The following CCDC171 variants were observed in gnomAD, a reference collection of about 807,000 sequenced individuals.
CCDC171 encodes coiled-coil domain containing 171.
Under a neutral mutation model 168.2 loss-of-function variants are expected in CCDC171, and 177 were observed. The ratio of observed to expected loss-of-function variants is 1.05; its 90% CI spans 0.93 to 1.19. The LOEUF (loss-of-function observed/expected upper bound fraction) is 1.19, where lower values mean the gene tolerates loss of function less well. Among genes scored for constraint, CCDC171 ranks in the 50% most tolerant of loss-of-function variants. The pLI is 0.00. For missense variants in CCDC171, 1,991 were observed against 1,539.0 expected (o/e 1.29, Z -4.91); for synonymous variants, 687 against 540.8 (o/e 1.27, Z -3.75).
At chr9:15,652,734 C>G (rs2047624887) in intron 7 of CCDC171, among the ~76,000 whole-genome samples, 1 of 152,236 alleles carries the variant, frequency 6.6e-6, no homozygotes, top group African/African-American at 2.4e-5. Flanking sequence ...AGCCACCATG[C>G]TCAGCTGATC....
intron 1 of CCDC171, among the ~76,000 whole-genome samples, chr9:16,052,550 T>G (rs1210905562): frequency 6.6e-6 from 1 of 152,112 alleles, no homozygotes; most frequent in Non-Finnish European, 1.5e-5. Flanking sequence ...TGATCTGCAT[T>G]ATATATATTA....
chr9:15,854,365 T>C (rs985176978), intron 23 of CCDC171, among the ~76,000 whole-genome samples: 1 of 151,748 alleles, frequency 6.6e-6, no homozygotes, highest in African/African-American at 2.4e-5. Flanking sequence ...ATCTAAGTTA[T>C]GTGACTTGTT....
At chr9:15,602,632 CTT>C (rs1050799184) in intron 6 of CCDC171, among the ~76,000 whole-genome samples, 1 of 31,002 alleles carries the variant, frequency 3.2e-5, no homozygotes, top group African/African-American at 9.7e-5. Context: ...TTTCTCATTT[CTT>C]TTTTTTTTTT....
chr9:15,652,411 A>C (rs931536560), intron 7 of CCDC171, among the ~76,000 whole-genome samples: 1 of 150,098 alleles, frequency 6.7e-6, no homozygotes, highest in Non-Finnish European at 1.5e-5. Context: ...CTATATGTGT[A>C]TCCTTTTGCT....
At chr9:15,553,971 C>T (rs1314345531) in intron 1 of CCDC171, among the ~76,000 whole-genome samples, 1 of 151,170 alleles carries the variant, frequency 6.6e-6, no homozygotes. Context: ...CATGACATAC[C>T]GATGTTTTAT....
chr9:15,843,344 TA>T (rs1288225832), intron 21 of CCDC171, among the ~76,000 whole-genome samples: 1 of 152,100 alleles, frequency 6.6e-6, no homozygotes, highest in Non-Finnish European at 1.5e-5. Flanking sequence ...GTAGGTAGAA[TA>T]TTTTTTTCTG....
At chr9:15,826,326 C>CTTTTTTTT (rs34040261) in intron 21 of CCDC171, among the ~76,000 whole-genome samples, 1 of 150,490 alleles carries the variant, frequency 6.6e-6, no homozygotes. Context: ...TTTGTTGATC[C>CTTTTTTTT]TTTTTTTTTA....
intron 3 of CCDC171, among the ~76,000 whole-genome samples, chr9:15,992,978 A>G (rs540883988): frequency 3.3e-5 from 5 of 152,230 alleles, no homozygotes; most frequent in Non-Finnish European, 7.3e-5. Flanking sequence ...TTCCATGCTC[A>G]TGGATAGGAA....
chr9:15,630,174 A>C (rs1190441918), intron 7 of CCDC171, among the ~76,000 whole-genome samples: 2 of 152,292 alleles, frequency 1.3e-5, no homozygotes, highest in South Asian at 2.1e-4. Flanking sequence ...TTCACACATA[A>C]CAATATTAAC....
intron 6 of CCDC171, among the ~76,000 whole-genome samples, chr9:15,600,147 A>G (rs1394025922): frequency 1.3e-5 from 2 of 152,198 alleles, no homozygotes; most frequent in South Asian, 2.1e-4. Flanking sequence ...CTCGTCAGTC[A>G]TTCTCCATCC....
intron 3 of CCDC171, among the ~76,000 whole-genome samples, chr9:15,982,517 G>C (rs1211015610): frequency 6.6e-6 from 1 of 152,082 alleles, no homozygotes; most frequent in East Asian, 1.9e-4. Context: ...CCAAATTACT[G>C]GAAGGAAAGA....
At chr9:15,647,109 G>A (rs1186428200) in intron 7 of CCDC171, among the ~76,000 whole-genome samples, 1 of 152,086 alleles carries the variant, frequency 6.6e-6, no homozygotes, top group Non-Finnish European at 1.5e-5. Context: ...ACTCAAAACC[G>A]CTCAACTACA....
At chr9:15,842,197 A>G (rs1325765563) in intron 21 of CCDC171, among the ~76,000 whole-genome samples, 1 of 151,994 alleles carries the variant, frequency 6.6e-6, no homozygotes, top group African/African-American at 2.4e-5. Flanking sequence ...GTGTGTAGGA[A>G]TGTAGATCCA....
intron 2 of CCDC171, among the ~76,000 whole-genome samples, chr9:15,568,353 C>T (rs1234410834): frequency 6.6e-6 from 1 of 150,432 alleles, no homozygotes; most frequent in Non-Finnish European, 1.5e-5. Flanking sequence ...TCGCTGCAAG[C>T]TCCGCCTCCC....
At position 15,698,248 on chromosome 9, in the gene CCDC171, G is replaced by A. The variant is rs192869635; in HGVS notation, c.1318+2911G>A. Among the ~76,000 whole-genome samples, 23 of 152,222 alleles carry A rather than the reference G, an allele frequency of 1.5e-4. No homozygotes were observed. The East Asian group carries it at 1.7e-3, about 12-fold the overall frequency. ...GTGAGTAAGAACATAAGGGCCAGGCGCGGTGGCTCACGCCTGTAATCCCAG... is the reference window on the plus strand; with the variant it reads ...GTGAGTAAGAACATAAGGGCCAGGCACGGTGGCTCACGCCTGTAATCCCAG... On this transcript the variant is annotated intron_variant, in intron 11 of 25. Transcript: ENST00000380701.
At chr9:15,942,570 C>T (rs1827851468) in intron 25 of CCDC171, among the ~76,000 whole-genome samples, 1 of 151,684 alleles carries the variant, frequency 6.6e-6, no homozygotes, top group African/African-American at 2.4e-5. Flanking sequence ...TACTGGAGTA[C>T]AATAAATAAG....
At chr9:15,804,085 C>G (rs572677141) in intron 21 of CCDC171, among the ~76,000 whole-genome samples, 3 of 152,176 alleles carry the variant, frequency 2.0e-5, no homozygotes, top group South Asian at 2.1e-4. Context: ...GATTTTGTAT[C>G]CTGAGACTTT....
intron 24 of CCDC171, among the ~76,000 whole-genome samples, chr9:15,880,826 G>T (rs1818548669): frequency 6.6e-6 from 1 of 151,942 alleles, no homozygotes; most frequent in African/African-American, 2.4e-5. Flanking sequence ...TTTTTTAATT[G>T]GGTTGTGGAA....
intron 3 of CCDC171, among the ~76,000 whole-genome samples, chr9:16,004,053 A>G (rs1207773320): frequency 2.0e-5 from 3 of 152,180 alleles, no homozygotes; most frequent in African/African-American, 7.2e-5. Context: ...AATCAATTCA[A>G]CACTAATGAG....
Sources: gnomAD v4.1 joint callset for allele counts (sites outside exome capture counted in the v4.1 genomes callset) on GRCh38, gnomAD v4.1.1 for gene constraint, MANE v1.5 for transcripts, NCBI Gene and HGNC (gene_info 2026-07-23, HGNC 2026-07-21) for gene names.